The following FOXN3 variants were observed in gnomAD, a reference collection of about 807,000 sequenced individuals.
FOXN3 encodes the protein forkhead box protein N3.
FOXN3 carries 7 observed loss-of-function variants against 38.4 expected under a neutral mutation model. The ratio of observed to expected loss-of-function variants is 0.18; its 90% CI spans 0.10 to 0.34. The LOEUF is 0.34. FOXN3 is among the 10% of genes least tolerant of loss of function. FOXN3 has a pLI of 1.00. For synonymous variants in FOXN3, 230 were observed against 242.2 expected, an observed-to-expected ratio of 0.95 and a Z score of 0.47; for missense variants, 456 against 613.4, an observed-to-expected ratio of 0.74 and a Z score of 2.71.
intron 1 of FOXN3, among the ~76,000 whole-genome samples, chr14:89,598,017 GTAT>G (rs949319744): frequency 6.6e-5 from 10 of 151,658 alleles, no homozygotes; most frequent in Admixed American, 3.3e-4. Context: ...AATTTCTTAA[GTAT>G]TATTATTCTA....
chr14:89,598,867 A>C (rs1025361489), intron 1 of FOXN3, among the ~76,000 whole-genome samples: 1 of 152,184 alleles, frequency 6.6e-6, no homozygotes, highest in Non-Finnish European at 1.5e-5. Flanking sequence ...TGTTATCAGA[A>C]ATTTTACTAT....
At chr14:89,340,922 A>G (rs1888597155) in intron 3 of FOXN3, among the ~76,000 whole-genome samples, 1 of 152,192 alleles carries the variant, frequency 6.6e-6, no homozygotes, top group Admixed American at 6.5e-5. Flanking sequence ...ACTTAATTTC[A>G]AGAGAAGAGC....
At chr14:89,175,028 T>C (rs1384608101) in intron 5 of FOXN3, among the ~76,000 whole-genome samples, 1 of 152,204 alleles carries the variant, frequency 6.6e-6, no homozygotes, top group African/African-American at 2.4e-5. Flanking sequence ...GTTGCCACCT[T>C]CCTACACTAC....
chr14:89,216,502 A>G (rs918027662), intron 4 of FOXN3, among the ~76,000 whole-genome samples: 3 of 152,106 alleles, frequency 2.0e-5, no homozygotes, highest in African/African-American at 7.2e-5. Context: ...ACCTTCCAAC[A>G]GGTCTCCCTG....
chr14:89,387,867 C>T (rs550720592), intron 2 of FOXN3, among the ~76,000 whole-genome samples: 1 of 152,296 alleles, frequency 6.6e-6, no homozygotes, highest in Admixed American at 6.5e-5. Flanking sequence ...CGGCACACTA[C>T]AGAGAAGCAA....
chr14:89,156,469 A>G lies in FOXN3; in HGVS notation c.*5945T>C, dbSNP rs542599022. The G allele has an allele frequency of 2.0e-5, 3 of 152,678 alleles. No homozygotes were observed. Among genetic ancestry groups the G allele is most frequent in the South Asian group, 2.1e-4 (1 of 4,822 alleles). The allele number at this position is 152,678 out of a possible 1,614,324, so 9.5% of individuals were successfully genotyped here. A position where few individuals can be genotyped will look rare whatever the true frequency, so the allele number is the denominator to read the frequency against. ...TTCTCCTTTATGGTTCTCCCTTTCT[A>G]TTCATGATATTGGCAGTTTCATACA... On this transcript the variant is annotated 3_prime_UTR_variant, in exon 6 of 6. Coordinates refer to ENST00000557258, the MANE Select transcript of FOXN3 (RefSeq NM_005197.4).
intron 1 of FOXN3, among the ~76,000 whole-genome samples, chr14:89,555,882 G>GTGTGTGTGTGTGTGGGTGT (rs58769284): frequency 2.9e-5 from 3 of 104,602 alleles, no homozygotes; most frequent in Non-Finnish European, 4.1e-5. Flanking sequence ...TGTGTATGTG[G>GTGTGTGTGTGTGTGGGTGT]GGGTGTATGT....
At chr14:89,308,809 G>A (rs1010552263) in intron 3 of FOXN3, among the ~76,000 whole-genome samples, 14 of 152,226 alleles carry the variant, frequency 9.2e-5, no homozygotes, top group African/African-American at 3.4e-4. Context: ...CTGAGCAGAT[G>A]TAACACACTG....
At chr14:89,574,458 G>C (rs556639941) in intron 1 of FOXN3, among the ~76,000 whole-genome samples, 2 of 152,142 alleles carry the variant, frequency 1.3e-5, no homozygotes, top group South Asian at 4.1e-4. Context: ...AGAGAGCAGA[G>C]AGAGAACCAG....
chr14:89,158,580 A>G lies in FOXN3; in HGVS notation c.*3834T>C, dbSNP rs528593933. 6.5e-6 allele frequency: 1 copy of G among 152,742 alleles called. No homozygotes were observed. Among genetic ancestry groups the G allele is most frequent in the East Asian group, 1.9e-4 (1 of 5,190 alleles). The allele number at this position is 152,742 out of a possible 1,614,324, so 9.5% of individuals were successfully genotyped here. ...CCAAAGAACTCTTGAAAGAATACTG[A>G]TTAGGGAGGGGCAGGGAAGTAGGAG... On this transcript the variant is annotated 3_prime_UTR_variant, in exon 6 of 6. Coordinates refer to ENST00000557258, the MANE Select transcript of FOXN3 (RefSeq NM_005197.4).
rs1399923100 is a variant in FOXN3, at chr14:89,160,960, A to G, written c.*1454T>C. The stretch of plus-strand genomic sequence containing the variant: ...AGCAAAGAAAAGGAAAGAAAAAAGA[A>G]GAAAACCAAAAGAAACTCTAAGCCT... On this transcript the variant is annotated 3_prime_UTR_variant, in exon 6 of 6. Transcript: ENST00000557258. 3 of 152,238 alleles carry G rather than the reference A, an allele frequency of 2.0e-5. No homozygotes were observed. Among genetic ancestry groups the G allele is most frequent in the Non-Finnish European group, 4.4e-5 (3 of 68,036 alleles). 9.4% of individuals were successfully genotyped at this position (152,238 alleles called of 1,614,324 possible).
At chr14:89,407,787 T>C (rs1426859125) in intron 2 of FOXN3, among the ~76,000 whole-genome samples, 1 of 152,170 alleles carries the variant, frequency 6.6e-6, no homozygotes, top group East Asian at 1.9e-4. Flanking sequence ...GCCATGATTA[T>C]GCCACTGCGC....
intron 3 of FOXN3, among the ~76,000 whole-genome samples, chr14:89,338,060 C>G (rs1888516244): frequency 1.3e-5 from 2 of 152,166 alleles, no homozygotes; most frequent in African/African-American, 4.8e-5. Flanking sequence ...GAAGAATGAC[C>G]AGGTCCAAAC....
chr14:89,524,474 G>T (rs1481869459), intron 1 of FOXN3, among the ~76,000 whole-genome samples: 1 of 142,234 alleles, frequency 7.0e-6, no homozygotes, highest in African/African-American at 2.6e-5. Flanking sequence ...ATAATAGAAT[G>T]GAAATAAATA....
chr14:89,429,130 A>G (rs1245505120), intron 1 of FOXN3, among the ~76,000 whole-genome samples: 1 of 152,216 alleles, frequency 6.6e-6, no homozygotes, highest in Non-Finnish European at 1.5e-5. Flanking sequence ...GACCATTCCC[A>G]GTGATCCTGG....
At chr14:89,215,588 A>C (rs1446024900) in intron 4 of FOXN3, among the ~76,000 whole-genome samples, 6 of 152,180 alleles carry the variant, frequency 3.9e-5, no homozygotes, top group Non-Finnish European at 7.3e-5. Context: ...GACTTGGTGA[A>C]AGTGGCAGAA....
At chr14:89,328,370 T>A (rs532293265) in intron 3 of FOXN3, among the ~76,000 whole-genome samples, 2 of 151,852 alleles carry the variant, frequency 1.3e-5, no homozygotes, top group South Asian at 4.2e-4. Flanking sequence ...GGAAGAGACA[T>A]TCCCACCAGC....
chr14:89,258,423 C>T (rs777125958), intron 4 of FOXN3, among the ~76,000 whole-genome samples: 2 of 152,086 alleles, frequency 1.3e-5, no homozygotes, highest in East Asian at 1.9e-4. Context: ...ATGATGATGA[C>T]GATGATGATG....
intron 4 of FOXN3, among the ~76,000 whole-genome samples, chr14:89,200,789 A>T (rs907910098): frequency 6.6e-5 from 10 of 151,998 alleles, no homozygotes; most frequent in Admixed American, 6.5e-4. Flanking sequence ...CATCCCAGAC[A>T]CCTCTTTTAT....
Sources: gnomAD v4.1 joint callset for allele counts (sites outside exome capture counted in the v4.1 genomes callset) on GRCh38, gnomAD v4.1.1 for gene constraint, MANE v1.5 for transcripts, NCBI Gene and HGNC (gene_info 2026-07-23, HGNC 2026-07-21) for gene names.